Variants in DHX34 observed in about 807,000 individuals in gnomAD.
DHX34 encodes the protein DExH-box helicase 34.
DHX34 carries 96 observed loss-of-function variants against 111.1 expected under a neutral mutation model. The observed-to-expected ratio is 0.86, with a 90% CI of 0.73 to 1.02. The LOEUF (loss-of-function observed/expected upper bound fraction) is 1.02, where lower values mean the gene tolerates loss of function less well. Ranked by LOEUF, DHX34 falls within the 50% of genes least tolerant of loss-of-function variation. The pLI, the probability that DHX34 is intolerant of heterozygous loss-of-function variation, is 0.00. For missense variants in DHX34, 1,560 were observed against 1,579.9 expected, an observed-to-expected ratio of 0.99 and a Z score of 0.21; for synonymous variants, 688 against 670.4, an observed-to-expected ratio of 1.03 and a Z score of -0.41.
intron 5 of DHX34, among the ~76,000 whole-genome samples, chr19:47,361,646 G>A (rs1337898691): frequency 6.6e-6 from 1 of 152,106 alleles, no homozygotes; most frequent in Non-Finnish European, 1.5e-5. Context: ...GGGCATGGTG[G>A]CGGGTTCCTG....
At chr19:47,381,022 G>T (rs1263568984) in intron 15 of DHX34, 30 bp downstream of exon 15, 2 of 1,542,876 alleles carry the variant, frequency 1.3e-6, no homozygotes, top group African/African-American at 2.8e-5. Flanking sequence ...CCCTGAAGGT[G>T]GGATTTCAGG....
In DHX34 at chr19:47,353,466, A is replaced by C. The variant is rs1227907385; in HGVS notation, c.436A>C (p.Lys146Gln). The C allele has an allele frequency of 6.2e-7, 1 of 1,614,164 alleles. No individual in the cohort carries two copies. The highest frequency in any genetic ancestry group is 8.5e-7 in the Non-Finnish European group (1 of 1,180,040). ...ALLHYLDFGQ[K>Q]QAFGRLAKLQ... Reference sequence around the variant, plus strand: ...GTTGCACTACCTGGACTTTGGCCAGAAGCAGGCATTTGGGCGTCTGGCCAA... The same window carrying C: ...GTTGCACTACCTGGACTTTGGCCAGCAGCAGGCATTTGGGCGTCTGGCCAA... Residue 146 changes from lysine to glutamine, a missense_variant, in exon 2 of 17, where the codon AAG becomes CAG. Physicochemically the swap from Lys to Gln is moderately conservative, Grantham distance 53. Transcript: ENST00000328771. This position sits in a 1 kb window ranked among gnomAD's most constrained non-coding sequence, Gnocchi z 4.6.
At chr19:47,355,630 C>T (rs1240954905) in intron 3 of DHX34, among the ~76,000 whole-genome samples, 2 of 152,064 alleles carry the variant, frequency 1.3e-5, no homozygotes, top group African/African-American at 2.4e-5. Context: ...GGGTGGATCA[C>T]GAGGTCAGGA....
In DHX34 at chr19:47,353,552, G is replaced by T; in HGVS notation, c.522G>T (p.Thr174=). 1 of 1,613,338 alleles carries T rather than the reference G, an allele frequency of 6.2e-7. No individual in the cohort carries two copies. ...AGTATGGGAACCGCATCCTGCAGACGCTGAAGGAGCACCAGGTGGTGGTAG... is the reference window on the plus strand; with the variant it reads ...AGTATGGGAACCGCATCCTGCAGACTCTGAAGGAGCACCAGGTGGTGGTAG... ...IAQYGNRILQ[T]LKEHQVVVVA... The change falls in exon 2 of 17, where the codon ACG becomes ACT. Residue 174 remains threonine, a synonymous_variant. Transcript: ENST00000328771. This position sits in a 1 kb window ranked among gnomAD's most constrained non-coding sequence, Gnocchi z 4.6.
In DHX34 at chr19:47,375,956, G is replaced by T. The variant is rs142274669; in HGVS notation, c.2340G>T (p.Ala780=). ...AGTTCAAGCTTCGGCATGACCTGGC[G>T]CAGCTGCAGGCCGCTGCCAGCTCAG... ...DVKFKLRHDL[A]QLQAAASSAQ... is the part of the protein sequence containing the mutation. The change falls in exon 11 of 17, where the codon GCG becomes GCT. Residue 780 remains alanine, a synonymous_variant. Transcript: ENST00000328771. The T allele has an allele frequency of 1.2e-6, 2 of 1,601,344 alleles. No individual in the cohort carries two copies. Among genetic ancestry groups the T allele is most frequent in the Non-Finnish European group, 1.7e-6 (2 of 1,177,150 alleles).
At chr19:47,358,456 GT>G (rs34363653) in intron 4 of DHX34, among the ~76,000 whole-genome samples, 2,141 of 143,206 alleles carry the variant, frequency 0.015, 20 homozygotes, top group Non-Finnish European at 0.02. Context: ...TTCCAAAACA[GT>G]TTTTTTTTTT....
chr19:47,351,080 T>TA (rs938113124), intron 1 of DHX34, among the ~76,000 whole-genome samples: 13 of 151,256 alleles, frequency 8.6e-5, no homozygotes, highest in African/African-American at 3.2e-4. Flanking sequence ...CCAAAAAAGA[T>TA]AGATACCTTG....
Position 47,355,215 on chromosome 19 carries a change from C to T in DHX34, c.882C>T (p.Val294=). 1.2e-6 allele frequency: 2 copies of T among 1,614,224 alleles called. No homozygotes were observed. Among genetic ancestry groups the T allele is most frequent in the Non-Finnish European group, 1.7e-6 (2 of 1,180,034 alleles). ...TCCACAACGATTTCCTCCTGGGCGT[C>T]CTCCAGCGCCTGTTGCCCACGCGGC... ...RHLHNDFLLG[V]LQRLLPTRPD... The change falls in exon 3 of 17, where the codon GTC becomes GTT. Residue 294 remains valine (V), a synonymous_variant. Coordinates refer to ENST00000328771, the MANE Select transcript of DHX34 (RefSeq NM_014681.6).
chr19:47,352,425 C>T (rs543573852), intron 1 of DHX34, among the ~76,000 whole-genome samples: 8 of 152,154 alleles, frequency 5.3e-5, no homozygotes, highest in Non-Finnish European at 1.0e-4. Flanking sequence ...CTGGTAATCC[C>T]AACACTTTGG....
intron 7 of DHX34, among the ~76,000 whole-genome samples, chr19:47,368,602 G>A (rs1486842463): frequency 4.0e-5 from 6 of 148,386 alleles, no homozygotes; most frequent in Non-Finnish European, 8.9e-5. Context: ...CACTGCTCCC[G>A]GTCCATTGAA....
chr19:47,368,629 T>TATATA (rs1468704917), intron 7 of DHX34, among the ~76,000 whole-genome samples: 1 of 145,706 alleles, frequency 6.9e-6, no homozygotes, highest in Admixed American at 7.0e-5. Context: ...TGTGTGTGTG[T>TATATA]GTATATATAT....
chr19:47,376,645 G>A (rs1293735169), intron 12 of DHX34, 85 bp downstream of exon 12: 3 of 1,505,140 alleles, frequency 2.0e-6, no homozygotes, highest in East Asian at 4.9e-5. Flanking sequence ...TCTGGCTGGG[G>A]CTCCCACACC....
At chr19:47,367,746 G>A (rs1213266198) in intron 7 of DHX34, among the ~76,000 whole-genome samples, 1 of 151,694 alleles carries the variant, frequency 6.6e-6, no homozygotes, top group Non-Finnish European at 1.5e-5. Context: ...AAATTAGCTG[G>A]GTGTGGTGGC....
At chr19:47,361,693 C>G (rs778257246) in intron 5 of DHX34, among the ~76,000 whole-genome samples, 4 of 151,896 alleles carry the variant, frequency 2.6e-5, no homozygotes, top group Non-Finnish European at 5.9e-5. Context: ...GCAGGAGAAT[C>G]GCTTGAACTC....
intron 1 of DHX34, among the ~76,000 whole-genome samples, chr19:47,351,050 A>C (rs967143065): frequency 6.6e-6 from 1 of 152,136 alleles, no homozygotes; most frequent in Non-Finnish European, 1.5e-5. Flanking sequence ...AGAAACTAGA[A>C]GATGCAGACA....
chr19:47,353,380 G>C lies in DHX34; in HGVS notation c.350G>C (p.Gly117Ala), dbSNP rs8113564. 27 of 1,614,174 alleles carry C rather than the reference G, an allele frequency of 1.7e-5. No homozygotes were observed. Among genetic ancestry groups the C allele is most frequent in the African/African-American group, 4.0e-5 (3 of 75,052 alleles). The change falls in exon 2 of 17, where the codon GGC becomes GCC. Residue 117 changes from glycine (G) to alanine (A), a missense_variant. Coordinates refer to ENST00000328771, the MANE Select transcript of DHX34 (RefSeq NM_014681.6). The surrounding 1 kb of genome is among the most constrained non-coding windows in gnomAD (Gnocchi z 4.6). ...TCTGTTCTTGGCCCTGCCACGCGGGGCTCTCAGGGACTGGGCAGGCACTTG... is the reference window on the plus strand; with the variant it reads ...TCTGTTCTTGGCCCTGCCACGCGGGCCTCTCAGGGACTGGGCAGGCACTTG... ...NLSVLGPATR[G>A]SQGLGRHLPA... is the part of the protein sequence containing the mutation.
intron 7 of DHX34, among the ~76,000 whole-genome samples, chr19:47,372,307 T>TA: frequency 6.6e-6 from 1 of 151,954 alleles, no homozygotes; most frequent in East Asian, 1.9e-4. Context: ...GGGACTCACT[T>TA]ACAGGTGACA....
chr19:47,370,247 C>T (rs879544555), intron 7 of DHX34, among the ~76,000 whole-genome samples: 2 of 152,156 alleles, frequency 1.3e-5, no homozygotes, highest in East Asian at 1.9e-4. Context: ...ACAGGGCCTC[C>T]CTTGGGAGGC....
At chr19:47,370,574 C>T (rs1467129311) in intron 7 of DHX34, among the ~76,000 whole-genome samples, 1 of 152,248 alleles carries the variant, frequency 6.6e-6, no homozygotes, top group Non-Finnish European at 1.5e-5. Context: ...CATTAAAGCC[C>T]CCATCCTTGC....
Sources: allele counts gnomAD v4.1 joint callset (sites outside exome capture counted in the v4.1 genomes callset), GRCh38; gene constraint gnomAD v4.1.1; non-coding constraint Gnocchi (gnomAD v3.1); transcripts MANE v1.5; gene names NCBI Gene and HGNC (gene_info 2026-07-23, HGNC 2026-07-21).